UVRAG: variants seen among roughly 807,000 people sequenced by gnomAD.
UVRAG encodes UV radiation resistance-associated gene protein.
A neutral mutation model predicts 78.0 loss-of-function variants in UVRAG; 19 were observed. That is an observed-to-expected ratio of 0.24 (90% CI 0.17 to 0.36). The LOEUF (loss-of-function observed/expected upper bound fraction) is 0.36, where lower values mean the gene tolerates loss of function less well. Among genes scored for constraint, UVRAG ranks in the 10% least tolerant of loss-of-function variants. UVRAG has a pLI of 1.00. For synonymous variants in UVRAG, 323 were observed against 324.6 expected (o/e 1.00, Z 0.05); for missense variants, 740 against 853.8 (o/e 0.87, Z 1.66).
intron 11 of UVRAG, among the ~76,000 whole-genome samples, chr11:76,015,028 C>A (rs1418884323): frequency 6.6e-6 from 1 of 151,988 alleles, no homozygotes; most frequent in Admixed American, 6.6e-5. Flanking sequence ...GATTTTTTTC[C>A]ATGGGTTTGT....
intron 3 of UVRAG, among the ~76,000 whole-genome samples, chr11:75,866,422 G>C (rs931325178): frequency 6.6e-6 from 1 of 151,734 alleles, no homozygotes; most frequent in Non-Finnish European, 1.5e-5. Context: ...TGGTGCATAC[G>C]TGTAGTTCCC....
chr11:75,873,534 C>T (rs920520110), intron 3 of UVRAG, among the ~76,000 whole-genome samples: 2 of 151,864 alleles, frequency 1.3e-5, no homozygotes, highest in Admixed American at 6.6e-5. Flanking sequence ...GTCAGAGAAA[C>T]GTTAACCAGG....
intron 12 of UVRAG, among the ~76,000 whole-genome samples, chr11:76,056,476 A>G (rs1341921348): frequency 6.6e-6 from 1 of 152,236 alleles, no homozygotes; most frequent in African/African-American, 2.4e-5. Context: ...TCAACAATAT[A>G]TAAGAGTTCT....
At chr11:75,871,131 C>T (rs1946638355) in intron 3 of UVRAG, among the ~76,000 whole-genome samples, 1 of 152,216 alleles carries the variant, frequency 6.6e-6, no homozygotes, top group South Asian at 2.1e-4. Context: ...ACCTCGGCCT[C>T]CCAAAGTGCT....
At chr11:76,010,027 G>A (rs942538704) in intron 11 of UVRAG, among the ~76,000 whole-genome samples, 18 of 152,110 alleles carry the variant, frequency 1.2e-4, no homozygotes, top group Non-Finnish European at 2.2e-4. Flanking sequence ...CACAAAACTA[G>A]GTAATAATAT....
chr11:75,986,997 C>T (rs186586174), intron 8 of UVRAG, among the ~76,000 whole-genome samples: 34 of 152,240 alleles, frequency 2.2e-4, no homozygotes, highest in Admixed American at 1.6e-3. Context: ...TTTAAAAATC[C>T]ACTCATCAGT....
intron 13 of UVRAG, among the ~76,000 whole-genome samples, chr11:76,112,913 A>G (rs919688203): frequency 6.6e-6 from 1 of 152,076 alleles, no homozygotes; most frequent in African/African-American, 2.4e-5. Flanking sequence ...CTTTTGGTAG[A>G]GACAGTGTTT....
At chr11:76,066,665 G>T (rs1402909881) in intron 13 of UVRAG, among the ~76,000 whole-genome samples, 2 of 152,080 alleles carry the variant, frequency 1.3e-5, no homozygotes. Context: ...GTAGAGACGG[G>T]GTTTCACCGT....
At chr11:76,085,936 C>T (rs960817003) in intron 13 of UVRAG, among the ~76,000 whole-genome samples, 2 of 152,290 alleles carry the variant, frequency 1.3e-5, no homozygotes, top group South Asian at 4.1e-4. Context: ...CCTGCTGACA[C>T]CCAGTGCCCT....
intron 3 of UVRAG, among the ~76,000 whole-genome samples, chr11:75,872,306 C>T (rs1203931919): frequency 6.6e-6 from 1 of 151,858 alleles, no homozygotes; most frequent in Admixed American, 6.5e-5. Flanking sequence ...TCAGGGGCTG[C>T]CTGGGACATA....
chr11:75,966,011 C>A (rs2135220494), intron 7 of UVRAG, among the ~76,000 whole-genome samples: 1 of 152,034 alleles, frequency 6.6e-6, no homozygotes. Flanking sequence ...CTAAGAATGC[C>A]CTTCATTAAT....
chr11:76,059,023 G>A (rs140707057), intron 12 of UVRAG, among the ~76,000 whole-genome samples: 37 of 152,336 alleles, frequency 2.4e-4, no homozygotes, highest in African/African-American at 7.7e-4. Flanking sequence ...CTTAGGCCTC[G>A]AAAGGTAGGC....
intron 5 of UVRAG, among the ~76,000 whole-genome samples, chr11:75,893,314 C>G (rs558226037): frequency 1.4e-4 from 21 of 152,040 alleles, no homozygotes; most frequent in African/African-American, 4.3e-4. Context: ...CTTCTGGCCA[C>G]TCTGCCCAGA....
chr11:76,020,825 T>C (rs1379462002), intron 12 of UVRAG, among the ~76,000 whole-genome samples: 1 of 152,012 alleles, frequency 6.6e-6, no homozygotes, highest in Non-Finnish European at 1.5e-5. Context: ...AGACTGTCTT[T>C]CAAGATTATT....
chr11:76,016,668 T>C lies in UVRAG; in HGVS notation c.1061-147T>C, dbSNP rs539003835. 1.5e-4 allele frequency: 105 copies of C among 692,762 alleles called. No individual in the cohort carries two copies. In the African/African-American group the frequency reaches 1.8e-3, roughly 12 times the overall value. 42.9% of individuals were successfully genotyped at this position (692,762 alleles called of 1,614,324 possible). On this transcript the variant is annotated intron_variant, in intron 11 of 14. Coordinates refer to ENST00000356136, the MANE Select transcript of UVRAG (RefSeq NM_003369.4). ...CAAGTCTTGTTAATGTGTTTACATT[T>C]GCATAAAATTTATATAATTTAGATA...
At chr11:75,870,832 T>C (rs992797071) in intron 3 of UVRAG, among the ~76,000 whole-genome samples, 1 of 152,170 alleles carries the variant, frequency 6.6e-6, no homozygotes, top group African/African-American at 2.4e-5. Flanking sequence ...AAGGAACTGA[T>C]CAATGAAACA....
intron 12 of UVRAG, among the ~76,000 whole-genome samples, chr11:76,042,948 C>A (rs939194323): frequency 6.6e-6 from 1 of 152,116 alleles, no homozygotes; most frequent in African/African-American, 2.4e-5. Context: ...GATGGGAAGA[C>A]CTGGGTCCCA....
chr11:76,143,074 G>A lies in UVRAG; in HGVS notation c.*1661G>A, dbSNP rs183580014. 2.6e-5 allele frequency: 4 copies of A among 152,376 alleles called. No individual in the cohort carries two copies. The East Asian group carries it at 5.8e-4, about 22-fold the overall frequency. The allele number at this position is 152,376 out of a possible 1,614,324, so 9.4% of individuals were successfully genotyped here. On this transcript the variant is annotated 3_prime_UTR_variant, in exon 15 of 15. Transcript: ENST00000356136. ...TGGGGCTCCTTCACCTAGAGCAGGA[G>A]CTTCTCTGCAGTGTACTGTCTGTCG...
rs896181903 is a variant in UVRAG, at chr11:76,010,146, A to C, written c.1060+1279A>C. Among the ~76,000 whole-genome samples the C allele has an allele frequency of 1.1e-4, 17 of 152,346 alleles. No individual in the cohort carries two copies. In the East Asian group the frequency reaches 3.1e-3, roughly 28 times the overall value. On this transcript the variant is annotated intron_variant, in intron 11 of 14. Transcript: ENST00000356136. Reference sequence around the variant, plus strand: ...TTTAGGCAAAGTTGTGGTATCTTGAAGCCCATGGCGCATCATTTTCCTCAT... The same window carrying C: ...TTTAGGCAAAGTTGTGGTATCTTGACGCCCATGGCGCATCATTTTCCTCAT...
Sources: gnomAD v4.1 joint callset for allele counts (sites outside exome capture counted in the v4.1 genomes callset) on GRCh38, gnomAD v4.1.1 for gene constraint, MANE v1.5 for transcripts, NCBI Gene and HGNC (gene_info 2026-07-23, HGNC 2026-07-21) for gene names.